CRPPA: variants seen among roughly 807,000 people sequenced by gnomAD.
The protein encoded by CRPPA is D-ribitol-5-phosphate cytidylyltransferase.
In CRPPA, 43 loss-of-function variants were observed where a neutral mutation model predicts 52.0. The observed-to-expected ratio is 0.83, with a 90% CI of 0.65 to 1.07. CRPPA has a LOEUF of 1.07. CRPPA is among the 50% of genes least tolerant of loss of function. The pLI is 0.00. For missense variants in CRPPA, 629 were observed against 551.7 expected (o/e 1.14, Z -1.40); for synonymous variants, 250 against 203.5 (o/e 1.23, Z -1.94).
intron 3 of CRPPA, among the ~76,000 whole-genome samples, chr7:16,368,527 A>G (rs1377116791): frequency 6.6e-6 from 1 of 152,196 alleles, no homozygotes; most frequent in African/African-American, 2.4e-5. Flanking sequence ...CACTAGTAGC[A>G]TTTTGGTTTT....
At chr7:16,293,583 A>G (rs772388936) in intron 5 of CRPPA, among the ~76,000 whole-genome samples, 11 of 151,996 alleles carry the variant, frequency 7.2e-5, no homozygotes, top group Non-Finnish European at 1.2e-4. Flanking sequence ...GGCAGTAAAT[A>G]AAGGAAGGAC....
At chr7:16,244,592 T>C (rs939272831) in intron 8 of CRPPA, among the ~76,000 whole-genome samples, 1 of 152,216 alleles carries the variant, frequency 6.6e-6, no homozygotes, top group Non-Finnish European at 1.5e-5. Context: ...AATGTTGTTT[T>C]TGCCAAATGC....
intron 9 of CRPPA, among the ~76,000 whole-genome samples, chr7:16,143,242 A>C (rs538058361): frequency 1.6e-4 from 24 of 152,318 alleles, no homozygotes; most frequent in African/African-American, 5.5e-4. Flanking sequence ...AGTTGAGAGT[A>C]CAAGAGATGA....
intron 9 of CRPPA, among the ~76,000 whole-genome samples, chr7:16,136,029 T>C (rs1485532988): frequency 2.0e-5 from 3 of 152,324 alleles, no homozygotes; most frequent in East Asian, 1.9e-4. Flanking sequence ...TTGGCTTCTA[T>C]TCTGTCTCCC....
intron 9 of CRPPA, among the ~76,000 whole-genome samples, chr7:16,158,605 T>C (rs575687633): frequency 8.7e-4 from 133 of 152,192 alleles, no homozygotes; most frequent in Non-Finnish European, 1.7e-3. Flanking sequence ...TGTATTGTAA[T>C]TGAATCTACA....
intron 5 of CRPPA, among the ~76,000 whole-genome samples, chr7:16,291,752 T>TAA (rs199851314): frequency 6.7e-6 from 1 of 148,538 alleles, no homozygotes; most frequent in African/African-American, 2.5e-5. Context: ...GTCCTCAAAG[T>TAA]AAAAAAAAAA....
Position 16,268,145 on chromosome 7 carries a change from T to C in CRPPA, c.934-9133A>G, listed in dbSNP as rs568391176. Among the ~76,000 whole-genome samples the C allele has an allele frequency of 3.7e-4, 56 of 152,050 alleles. 1 individual carries two copies. Among genetic ancestry groups the C allele is most frequent in the African/African-American group, 1.3e-3 (54 of 41,536 alleles). On this transcript the variant is annotated intron_variant, in intron 6 of 9. Coordinates refer to ENST00000407010, the MANE Select transcript of CRPPA (RefSeq NM_001101426.4). ...AATGACAATCACTTAAATGACATGA[T>C]TGATATTGTACTGCAAATGTGACAA...
chr7:16,361,067 T>C (rs890231992), intron 3 of CRPPA, among the ~76,000 whole-genome samples: 1 of 152,136 alleles, frequency 6.6e-6, no homozygotes, highest in Non-Finnish European at 1.5e-5. Context: ...TAGTCATTTC[T>C]CCCAAGAAGA....
intron 9 of CRPPA, among the ~76,000 whole-genome samples, chr7:16,100,388 T>A (rs1346228070): frequency 6.6e-6 from 1 of 152,234 alleles, no homozygotes; most frequent in Non-Finnish European, 1.5e-5. Flanking sequence ...AATCGTAAGA[T>A]ACTAAAAGAT....
At chr7:16,240,339 T>A (rs529548952) in intron 8 of CRPPA, among the ~76,000 whole-genome samples, 1 of 151,928 alleles carries the variant, frequency 6.6e-6, no homozygotes, top group African/African-American at 2.4e-5. Context: ...ATTTATAGAA[T>A]TTATACAAGT....
chr7:16,230,211 T>G (rs1249050970), intron 8 of CRPPA, among the ~76,000 whole-genome samples: 6 of 152,188 alleles, frequency 3.9e-5, no homozygotes, highest in Non-Finnish European at 8.8e-5. Flanking sequence ...TTGTTACTAT[T>G]TAAGTAAGCT....
chr7:16,376,047 G>A, intron 3 of CRPPA, 45 bp downstream of exon 3: 1 of 1,532,708 alleles, frequency 6.5e-7, no homozygotes, highest in South Asian at 1.2e-5. Context: ...GTTGTTTGGG[G>A]AACCTGACAT....
At chr7:16,119,550 A>C (rs1223113666) in intron 9 of CRPPA, among the ~76,000 whole-genome samples, 5 of 152,218 alleles carry the variant, frequency 3.3e-5, no homozygotes, top group Non-Finnish European at 7.3e-5. Flanking sequence ...GAGATTGTCA[A>C]GATGGATTAA....
At chr7:16,247,250 G>C (rs1783301297) in intron 8 of CRPPA, among the ~76,000 whole-genome samples, 1 of 152,118 alleles carries the variant, frequency 6.6e-6, no homozygotes, top group Admixed American at 6.6e-5. Flanking sequence ...AGAATTGAAG[G>C]GAATTAGGGC....
At chr7:16,238,563 A>G (rs952782807) in intron 8 of CRPPA, among the ~76,000 whole-genome samples, 5 of 152,184 alleles carry the variant, frequency 3.3e-5, no homozygotes, top group Non-Finnish European at 5.9e-5. Context: ...TGGAAAATTT[A>G]GACTTAATCT....
At chr7:16,099,322 A>C (rs926830492) in intron 9 of CRPPA, among the ~76,000 whole-genome samples, 2 of 149,196 alleles carry the variant, frequency 1.3e-5, no homozygotes, top group Non-Finnish European at 1.5e-5. Flanking sequence ...AGGAAAAAAC[A>C]AAGGAAAAAA....
intron 5 of CRPPA, among the ~76,000 whole-genome samples, chr7:16,293,223 A>T (rs962395991): frequency 3.9e-5 from 6 of 151,950 alleles, no homozygotes; most frequent in Non-Finnish European, 8.8e-5. Flanking sequence ...ACACCATGCA[A>T]TTCTTCCATC....
intron 2 of CRPPA, 127 bp from the exon 3 acceptor site, chr7:16,376,368 T>G: frequency 2.2e-6 from 2 of 902,976 alleles, no homozygotes; most frequent in Non-Finnish European, 3.2e-6. Flanking sequence ...AGAAAACATC[T>G]GAGTAAGTGT....
At chr7:16,310,763 A>T (rs1180445777) in intron 3 of CRPPA, among the ~76,000 whole-genome samples, 1 of 152,162 alleles carries the variant, frequency 6.6e-6, no homozygotes, top group Non-Finnish European at 1.5e-5. Flanking sequence ...TATGGAAGCT[A>T]AGGGGTGAAA....
Sources: allele counts gnomAD v4.1 joint callset (sites outside exome capture counted in the v4.1 genomes callset), GRCh38; gene constraint gnomAD v4.1.1; transcripts MANE v1.5; gene names NCBI Gene and HGNC (gene_info 2026-07-23, HGNC 2026-07-21).